DDHD1: variants seen among roughly 807,000 people sequenced by gnomAD.
DDHD1 encodes phospholipase DDHD1.
In DDHD1, 49 loss-of-function variants were observed where a neutral mutation model predicts 96.4. That is an observed-to-expected ratio of 0.51 (90% CI 0.40 to 0.64). The LOEUF (loss-of-function observed/expected upper bound fraction) is 0.64, where lower values mean the gene tolerates loss of function less well. DDHD1 is among the 30% of genes least tolerant of loss of function. The pLI is 0.00. For synonymous variants in DDHD1, 442 were observed against 446.5 expected (o/e 0.99, Z 0.13); for missense variants, 1,106 against 1,161.2 (o/e 0.95, Z 0.69).
chr14:53,080,583 TATCA>T (rs1365372899), intron 4 of DDHD1, among the ~76,000 whole-genome samples: 1 of 152,128 alleles, frequency 6.6e-6, no homozygotes, highest in Non-Finnish European at 1.5e-5. Flanking sequence ...ACAATATATT[TATCA>T]ATATTTTTCC....
chr14:53,075,947 C>T (rs1291368597), intron 4 of DDHD1, among the ~76,000 whole-genome samples: 7 of 151,798 alleles, frequency 4.6e-5, no homozygotes, highest in African/African-American at 1.2e-4. Flanking sequence ...GAAAAAAAAA[C>T]GATTCCTTTC....
chr14:53,130,490 C>T lies in DDHD1; in HGVS notation c.838+21771G>A, dbSNP rs115763412. Among the ~76,000 whole-genome samples the T allele has an allele frequency of 5.1e-3, 782 of 152,292 alleles. 8 individuals carry two copies. Among genetic ancestry groups the T allele is most frequent in the African/African-American group, 0.018 (738 of 41,544 alleles). On this transcript the variant is annotated intron_variant, in intron 1 of 12. Transcript: ENST00000673822. ...ATTTTATTACCCAATCTGCTCCCAA[C>T]GCACATCAGGACTTAATTAACCTCG...
chr14:53,083,908 C>T (rs879668029), intron 4 of DDHD1, among the ~76,000 whole-genome samples: 4 of 151,396 alleles, frequency 2.6e-5, no homozygotes, highest in Non-Finnish European at 5.9e-5. Flanking sequence ...GTAGTGGACA[C>T]TTGGGTTTTT....
chr14:53,086,234 T>A (rs1370462551), intron 4 of DDHD1, among the ~76,000 whole-genome samples: 1 of 152,180 alleles, frequency 6.6e-6, no homozygotes, highest in African/African-American at 2.4e-5. Context: ...CTCTTTAGGA[T>A]ATTATCCAGG....
chr14:53,150,760 G>C (rs1271481846), intron 1 of DDHD1, among the ~76,000 whole-genome samples: 1 of 152,138 alleles, frequency 6.6e-6, no homozygotes, highest in Non-Finnish European at 1.5e-5. Flanking sequence ...CTCTGAAAGG[G>C]TAAGGATTTT....
In DDHD1 at chr14:53,040,042, G is replaced by A. The variant is rs1202875741; in HGVS notation, c.*6726C>T. 2 of 152,098 alleles carry A rather than the reference G, an allele frequency of 1.3e-5. No individual in the cohort carries two copies. Among genetic ancestry groups the A allele is most frequent in the Non-Finnish European group, 2.9e-5 (2 of 68,042 alleles). The allele number at this position is 152,098 out of a possible 1,614,324, so 9.4% of individuals were successfully genotyped here. On this transcript the variant is annotated 3_prime_UTR_variant, in exon 13 of 13. Coordinates refer to ENST00000673822, the MANE Select transcript of DDHD1 (RefSeq NM_001160148.2). ...GGAATTGCACTGAAATTCCTAGACT[G>A]TTAAAAAAACAAACACCTAAAACTC...
At chr14:53,130,306 C>T (rs940812280) in intron 1 of DDHD1, among the ~76,000 whole-genome samples, 3 of 152,164 alleles carry the variant, frequency 2.0e-5, no homozygotes, top group African/African-American at 7.2e-5. Flanking sequence ...TCCTTTTTCT[C>T]TATCAGACCT....
Position 53,083,254 on chromosome 14 carries a change from CAT to C in DDHD1, c.1289+8529_1289+8530del, listed in dbSNP as rs557720908. Among the ~76,000 whole-genome samples, 4 of 152,104 alleles carry C rather than the reference CAT, an allele frequency of 2.6e-5. No individual in the cohort carries two copies. In the South Asian group the frequency reaches 8.3e-4, roughly 32 times the overall value. On this transcript the variant is annotated intron_variant, in intron 4 of 12. Coordinates refer to ENST00000673822, the MANE Select transcript of DDHD1 (RefSeq NM_001160148.2). Reference sequence around the variant, plus strand: ...GTTTCAGGAGGGAATAAGATAAGCTCATGTGTTCAACATACTGTGTTTAACTG... The same window carrying C: ...GTTTCAGGAGGGAATAAGATAAGCTCGTGTTCAACATACTGTGTTTAACTG...
intron 12 of DDHD1, among the ~76,000 whole-genome samples, chr14:53,049,657 C>CAAAAAAAAAAAAAAAA: frequency 1.2e-5 from 1 of 84,720 alleles, no homozygotes; most frequent in Non-Finnish European, 2.3e-5. Context: ...TGAGCTAGGT[C>CAAAAAAAAAAAAAAAA]AAAAAAAAAA....
intron 1 of DDHD1, among the ~76,000 whole-genome samples, chr14:53,133,340 G>A (rs1178933288): frequency 6.6e-6 from 1 of 152,174 alleles, no homozygotes; most frequent in African/African-American, 2.4e-5. Flanking sequence ...CACGGTCTGA[G>A]AAGGCTACCA....
chr14:53,055,475 C>T (rs899569968), intron 10 of DDHD1, among the ~76,000 whole-genome samples, 185 bp downstream of exon 10: 1 of 152,158 alleles, frequency 6.6e-6, no homozygotes, highest in African/African-American at 2.4e-5. Flanking sequence ...ACTATAAGAT[C>T]TGATCTAATC....
chr14:53,065,469 T>C (rs1439598582), intron 6 of DDHD1, among the ~76,000 whole-genome samples: 1 of 152,220 alleles, frequency 6.6e-6, no homozygotes, highest in Non-Finnish European at 1.5e-5. Context: ...ATTTCTTGTG[T>C]TACTTTAGAG....
intron 4 of DDHD1, among the ~76,000 whole-genome samples, chr14:53,086,972 CAAAAAAAAAAAA>C (rs60569444): frequency 3.1e-4 from 16 of 52,208 alleles, no homozygotes; most frequent in Non-Finnish European, 5.7e-4. Flanking sequence ...AAATGAAAAG[CAAAAAAAAAAAA>C]AAAAAAAAAA....
chr14:53,119,702 C>G (rs1397144154), intron 1 of DDHD1, among the ~76,000 whole-genome samples: 1 of 152,140 alleles, frequency 6.6e-6, no homozygotes, highest in East Asian at 1.9e-4. Flanking sequence ...ATGACAAAAA[C>G]CATATAATTA....
chr14:53,055,738 T>C lies in DDHD1; in HGVS notation c.2167A>G (p.Ser723Gly), dbSNP rs2139839860. The C allele has an allele frequency of 6.2e-7, 1 of 1,614,140 alleles. No homozygotes were observed. The highest frequency in any genetic ancestry group is 8.5e-7 in the Non-Finnish European group (1 of 1,180,014). The stretch of plus-strand genomic sequence containing the variant: ...GACAAAACTGGTGAGGTCACAGGGC[T>C]TGGTATGGTTGAAATGCCTTCATTC... ...SENEGISTIP[S>G]PVTSPVLSRR... is the part of the protein sequence containing the mutation. Residue 723 changes from serine (S) to glycine (G), a missense_variant, in exon 10 of 13, where the codon AGC becomes GGC. Ser to Gly is a moderately conservative substitution (Grantham distance 56). Transcript: ENST00000673822.
At chr14:53,081,712 T>C (rs988752931) in intron 4 of DDHD1, among the ~76,000 whole-genome samples, 1 of 152,198 alleles carries the variant, frequency 6.6e-6, no homozygotes, top group African/African-American at 2.4e-5. Flanking sequence ...AAACACTACA[T>C]CTGCTTAAAA....
intron 4 of DDHD1, among the ~76,000 whole-genome samples, chr14:53,086,214 C>A (rs896368121): frequency 2.0e-5 from 3 of 152,148 alleles, no homozygotes; most frequent in Non-Finnish European, 4.4e-5. Context: ...TGGAACCAAG[C>A]TGGAAAACAC....
chr14:53,145,502 CAAAAAAAAAAA>C (rs34747977), intron 1 of DDHD1, among the ~76,000 whole-genome samples: 8 of 61,696 alleles, frequency 1.3e-4, no homozygotes, highest in South Asian at 7.9e-4. Flanking sequence ...AACCTTGTCT[CAAAAAAAAAAA>C]AAAAAAAAAA....
chr14:53,072,055 G>C (rs1191959400), intron 6 of DDHD1, among the ~76,000 whole-genome samples: 2 of 151,150 alleles, frequency 1.3e-5, no homozygotes, highest in African/African-American at 2.4e-5. Context: ...GTTCACACAT[G>C]TTAGGCAATT....
Sources: allele counts gnomAD v4.1 joint callset (sites outside exome capture counted in the v4.1 genomes callset), GRCh38; gene constraint gnomAD v4.1.1; transcripts MANE v1.5; gene names NCBI Gene and HGNC (gene_info 2026-07-23, HGNC 2026-07-21).